MUC4: variants seen among roughly 807,000 people sequenced by gnomAD.
The protein encoded by MUC4 is mucin 4, cell surface associated.
A neutral mutation model predicts 257.9 loss-of-function variants in MUC4; 202 were observed. That is an observed-to-expected ratio of 0.78 (90% CI 0.70 to 0.88). The LOEUF (loss-of-function observed/expected upper bound fraction) is 0.88, where lower values mean the gene tolerates loss of function less well. Ranked by LOEUF, MUC4 falls within the 40% of genes least tolerant of loss-of-function variation. The probability of loss-of-function intolerance (pLI) is 0.00; values close to 1 mark genes in which losing one functional copy is unlikely to be tolerated. For missense variants in MUC4, 5,976 were observed against 6,513.7 expected, an observed-to-expected ratio of 0.92 and a Z score of 2.84; for synonymous variants, 2,351 against 2,757.1, an observed-to-expected ratio of 0.85 and a Z score of 4.62.
rs201634677 is a variant in MUC4, at chr3:195,780,288, G to A, written c.11292C>T (p.Thr3764=). ...GACCTGTGGACACTGAGGAAGCGTC[G>A]GTGACAAGAAGAGGGGTGGCGTGAC... ...STGHATPLLV[T]DASSVSTGHA... is the part of the protein sequence containing the mutation. The change falls in exon 2 of 25, where the codon ACC becomes ACT. Residue 3764 remains threonine (T), a synonymous_variant. Transcript: ENST00000463781. 1.3e-4 allele frequency: 201 copies of A among 1,523,112 alleles called. 1 individual carries two copies. Among genetic ancestry groups the A allele is most frequent in the Non-Finnish European group, 1.7e-4 (190 of 1,127,020 alleles). 94.3% of individuals were successfully genotyped at this position (1,523,112 alleles called of 1,614,324 possible). A position where few individuals can be genotyped will look rare whatever the true frequency, so the allele number is the denominator to read the frequency against.
In MUC4 at chr3:195,781,365, G is replaced by A. The variant is rs1727845426; in HGVS notation, c.10215C>T (p.Asp3405=). The change falls in exon 2 of 25, where the codon GAC becomes GAT. Residue 3405 remains aspartate (D), a synonymous_variant. Coordinates refer to ENST00000463781, the MANE Select transcript of MUC4 (RefSeq NM_018406.7). ...VTNTSSVSTG[D]TMPLPVTSPS... is the part of the protein sequence containing the mutation. The stretch of plus-strand genomic sequence containing the variant: ...GGCTAGTGACAGGAAGAGGCATGGT[G>A]TCACCTGTGGATACTGAGGAAGTGT... 1.3e-6 allele frequency: 2 copies of A among 1,486,004 alleles called. 1 individual carries two copies. The highest frequency in any genetic ancestry group is 1.8e-6 in the Non-Finnish European group (2 of 1,104,706). 92.1% of individuals were successfully genotyped at this position (1,486,004 alleles called of 1,614,324 possible). A position where few individuals can be genotyped will look rare whatever the true frequency, so the allele number is the denominator to read the frequency against.
rs1715156305 is a variant in MUC4, at chr3:195,746,961, C to A, written c.*215G>T. On this transcript the variant is annotated 3_prime_UTR_variant, in exon 25 of 25. Coordinates refer to ENST00000463781, the MANE Select transcript of MUC4 (RefSeq NM_018406.7). The stretch of plus-strand genomic sequence containing the variant: ...CTGTGGGTGTGTCTGCGTGAGGACC[C>A]ATCCATGCATGTTTGATCTTTATGG... The A allele has an allele frequency of 4.4e-6, 3 of 685,990 alleles. No homozygotes were observed. The highest frequency in any genetic ancestry group is 4.9e-6 in the Non-Finnish European group (2 of 412,016). The allele number at this position is 685,990 out of a possible 1,614,324, so 42.5% of individuals were successfully genotyped here.
chr3:195,780,223 G>A lies in MUC4; in HGVS notation c.11357C>T (p.Ser3786Phe), dbSNP rs1235653885. ...PLPVTDASSASTGDTTPLPVT... is the reference protein window; with the variant it reads ...PLPVTDASSAFTGDTTPLPVT... The stretch of plus-strand genomic sequence containing the variant: ...AGGAAGAGGGGTGGTGTCACCTGTG[G>A]ATGCTGAGGAAGCGTCGGTGACAGG... The change falls in exon 2 of 25, where the codon TCC (serine) becomes TTC (phenylalanine). Residue 3786 changes from serine to phenylalanine, a missense_variant. This residue lies in a region of MUC4 where 330 missense variants were observed against 262.0 expected (regional missense o/e 1.26). Transcript: ENST00000463781. 1.4e-6 allele frequency: 2 copies of A among 1,479,994 alleles called. No individual in the cohort carries two copies. The highest frequency in any genetic ancestry group is 1.4e-5 in the African/African-American group (1 of 71,532). 91.7% of individuals were successfully genotyped at this position (1,479,994 alleles called of 1,614,324 possible).
Position 195,770,238 on chromosome 3 carries a change from T to C in MUC4, c.13376A>G (p.Tyr4459Cys), listed in dbSNP as rs1484662321. 6.2e-7 allele frequency: 1 copy of C among 1,612,420 alleles called. No individual in the cohort carries two copies. The highest frequency in any genetic ancestry group is 1.3e-5 in the African/African-American group (1 of 74,796). Residue 4459 changes from tyrosine (Y) to cysteine (C), a missense_variant, in exon 6 of 25, where the codon TAT becomes TGT. Tyr to Cys is a radical substitution (Grantham distance 194). Transcript: ENST00000463781. ...LKVTWVNAHA[Y>C]PAQWTLGSNT... Reference sequence around the variant, plus strand: ...CACCCCGAGGGTCCACTGGGCAGGATAGGCGTGGGCATTGACCCACGTGAC... The same window carrying C: ...CACCCCGAGGGTCCACTGGGCAGGACAGGCGTGGGCATTGACCCACGTGAC...
chr3:195,804,233 C>A (rs1212179694), intron 1 of MUC4, among the ~76,000 whole-genome samples: 1 of 152,226 alleles, frequency 6.6e-6, no homozygotes, highest in Non-Finnish European at 1.5e-5. Flanking sequence ...CAAGGTAGTT[C>A]TTTTCTCTCC....
At chr3:195,805,054 C>CT (rs1209588044) in intron 1 of MUC4, among the ~76,000 whole-genome samples, 1 of 102,392 alleles carries the variant, frequency 9.8e-6, no homozygotes, top group East Asian at 2.8e-4. Flanking sequence ...TTGCCTGTTT[C>CT]TTTATCTTTA....
Position 195,789,524 on chromosome 3 carries a change from C to G in MUC4, c.2056G>C (p.Ala686Pro), listed in dbSNP as rs769402853. The change falls in exon 2 of 25, where the codon GCA becomes CCA. Residue 686 changes from alanine (A) to proline (P), a missense_variant. Around this residue, in one of 44 missense-constraint regions of MUC4, gnomAD observed 1,583 missense variants for 1,257.4 expected, o/e 1.26. Coordinates refer to ENST00000463781, the MANE Select transcript of MUC4 (RefSeq NM_018406.7). ...GTTGTTGCTGCACTTATGGTGGGTG[C>G]GTCCTGAGGAACAATTTCTGAGGGC... ...HSPSEIVPQD[A>P]PTISAATTFA... 2 of 1,613,802 alleles carry G rather than the reference C, an allele frequency of 1.2e-6. No individual in the cohort carries two copies. The highest frequency in any genetic ancestry group is 1.7e-5 in the Admixed American group (1 of 59,996).
intron 11 of MUC4, 144 bp downstream of exon 11, chr3:195,763,901 A>G (rs898486255): frequency 3.0e-6 from 4 of 1,318,338 alleles, no homozygotes; most frequent in Non-Finnish European, 3.1e-6. Context: ...CCCTCCACTG[A>G]CCATCCACCC....
chr3:195,788,651 G>A lies in MUC4; in HGVS notation c.2929C>T (p.Leu977Phe). Residue 977 changes from leucine (L) to phenylalanine (F), a missense_variant, in exon 2 of 25, where the codon CTT becomes TTT. Physicochemically the swap from Leu to Phe is conservative, Grantham distance 22. Transcript: ENST00000463781. ...GCCGAGGAAGCGTAGGTGACAGGAAGAGGGGTGGCGTTGCTGATGAGGGCC... is the reference window on the plus strand; with the variant it reads ...GCCGAGGAAGCGTAGGTGACAGGAAAAGGGGTGGCGTTGCTGATGAGGGCC... ...TTALISNATP[L>F]PVTYASSAST... The A allele has an allele frequency of 6.2e-7, 1 of 1,610,848 alleles. No homozygotes were observed. Among genetic ancestry groups the A allele is most frequent in the Non-Finnish European group, 8.5e-7 (1 of 1,178,464 alleles).
In MUC4 at chr3:195,788,984, A is replaced by C. The variant is rs1400222729; in HGVS notation, c.2596T>G (p.Ser866Ala). Reference protein sequence around the residue: ...AIPVSTGMASSIVPGTFHPTL... With the variant: ...AIPVSTGMASAIVPGTFHPTL... ...GGATGAAAGGTGCCGGGGACGATCG[A>C]AGACGCCATTCCTGTGCTTACTGGG... is the stretch of plus-strand genomic sequence containing the variant. The change falls in exon 2 of 25, where the codon TCG becomes GCG. Residue 866 changes from serine (S) to alanine (A), a missense_variant. Transcript: ENST00000463781. The C allele has an allele frequency of 6.2e-7, 1 of 1,613,794 alleles. No homozygotes were observed. The highest frequency in any genetic ancestry group is 8.5e-7 in the Non-Finnish European group (1 of 1,179,824).
In MUC4 at chr3:195,760,469, GGGTC is replaced by G. The variant is rs1718545303; in HGVS notation, c.14848+411_14848+414del. 1.3e-5 allele frequency among the ~76,000 whole-genome samples: 2 copies of G among 150,764 alleles called. 1 individual carries two copies. The highest frequency in any genetic ancestry group is 3.0e-5 in the Non-Finnish European group (2 of 67,516). ...GGCTGGAGTGCAGGGAGCTGGGAAGGGGTCCAGCGCTAGGATGGAGTGGAGGGGG... is the reference window on the plus strand; with the variant it reads ...GGCTGGAGTGCAGGGAGCTGGGAAGGCAGCGCTAGGATGGAGTGGAGGGGG... On this transcript the variant is annotated intron_variant, in intron 16 of 24. Coordinates refer to ENST00000463781, the MANE Select transcript of MUC4 (RefSeq NM_018406.7).
At chr3:195,764,230 G>A in intron 10 of MUC4, 66 bp from the exon 11 acceptor site, 1 of 1,534,992 alleles carries the variant, frequency 6.5e-7, no homozygotes, top group East Asian at 2.5e-5. Context: ...GCAGGGTGGT[G>A]TTGGTTGAGA....
rs1195973347 is a variant in MUC4 at position 195,770,291 on chromosome 3, C to G, written c.13323G>C (p.Gly4441=). The G allele has an allele frequency of 6.2e-7, 1 of 1,614,096 alleles. No homozygotes were observed. The highest frequency in any genetic ancestry group is 2.2e-5 in the East Asian group (1 of 44,870). Residue 4441 remains glycine, a synonymous_variant, in exon 6 of 25, where the codon GGG becomes GGC. Transcript: ENST00000463781. The part of the protein sequence containing the change: ...ESWIRKMTNN[G]GYKARWALKV... ...TTAGGGCCCACCTGGCCTTGTAGCC[C>G]CCGTTGTTTGTCATCTTTCTAATCC...
chr3:195,778,778 G>C lies in MUC4; in HGVS notation c.12790+12C>G, dbSNP rs1281089118. On this transcript the variant is annotated intron_variant, in intron 2 of 24. Coordinates refer to ENST00000463781, the MANE Select transcript of MUC4 (RefSeq NM_018406.7). ...CACTGGGAGACATAAAGGCGAGGCAGTTGGCAGCTACCTGGTGTTTCCATC... is the reference window on the plus strand; with the variant it reads ...CACTGGGAGACATAAAGGCGAGGCACTTGGCAGCTACCTGGTGTTTCCATC... 5 of 1,602,824 alleles carry C rather than the reference G, an allele frequency of 3.1e-6. No individual in the cohort carries two copies. The Middle Eastern group carries it at 6.7e-4, about 214-fold the overall frequency.
At position 195,771,740 on chromosome 3, in the gene MUC4, C is replaced by T. The variant is rs535971910; in HGVS notation, c.13154G>A (p.Gly4385Asp). Residue 4385 changes from glycine to aspartate, a missense_variant, in exon 5 of 25, where the codon GGC becomes GAC. Physicochemically the swap from Gly to Asp is moderately conservative, Grantham distance 94 (BLOSUM62 -1). Transcript: ENST00000463781. ...IFSYPNPLPT[G>D]FTGRDPVALV... The stretch of plus-strand genomic sequence containing the variant: ...GGCCACAGGGTCCCGGCCTGTGAAG[C>T]CTGTTGGGAGTGGGTTGGGGTAGGA... 13 of 1,613,626 alleles carry T rather than the reference C, an allele frequency of 8.1e-6. No homozygotes were observed. In the East Asian group the frequency reaches 2.7e-4, roughly 33 times the overall value.
intron 1 of MUC4, among the ~76,000 whole-genome samples, chr3:195,799,845 A>T (rs572130688): frequency 6.6e-6 from 1 of 152,338 alleles, no homozygotes; most frequent in East Asian, 1.9e-4. Context: ...ATTTCTTTGC[A>T]GAAAGCTTAT....
rs748086574 is a variant in MUC4, at chr3:195,785,903, C to A, written c.5677G>T (p.Asp1893Tyr). Residue 1893 changes from aspartate (D) to tyrosine (Y), a missense_variant, in exon 2 of 25, where the codon GAC (aspartate) becomes TAC (tyrosine). Around this residue, in one of 44 missense-constraint regions of MUC4, gnomAD observed 87 missense variants for 104.6 expected, o/e 0.83. Transcript: ENST00000463781. ...TCACCTGTGGATGCTGAGTTAGTGT[C>A]GGTGACAGGAAGAGGGGTGGTGTCA... ...TGDTTPLPVT[D>Y]TNSASTGDTT... 2 of 1,473,298 alleles carry A rather than the reference C, an allele frequency of 1.4e-6. No homozygotes were observed. The highest frequency in any genetic ancestry group is 1.8e-6 in the Non-Finnish European group (2 of 1,106,514). The allele number at this position is 1,473,298 out of a possible 1,614,324, so 91.3% of individuals were successfully genotyped here. A position where few individuals can be genotyped will look rare whatever the true frequency, so the allele number is the denominator to read the frequency against.
chr3:195,763,223 C>G (rs1719627218), intron 12 of MUC4, among the ~76,000 whole-genome samples: 1 of 152,238 alleles, frequency 6.6e-6, no homozygotes, highest in Non-Finnish European at 1.5e-5. Flanking sequence ...GTAGTTTCTT[C>G]GAAGCCAAGC....
intron 4 of MUC4, among the ~76,000 whole-genome samples, chr3:195,772,897 C>G (rs1417572952): frequency 7.2e-6 from 1 of 139,652 alleles, no homozygotes; most frequent in Non-Finnish European, 1.5e-5. Context: ...GACACCCTCC[C>G]TTCATCGCTC....
Sources: gnomAD v4.1 joint callset for allele counts (sites outside exome capture counted in the v4.1 genomes callset) on GRCh38, gnomAD v4.1.1 for gene constraint, gnomAD v4.1.1 regional missense constraint, MANE v1.5 for transcripts, NCBI Gene and HGNC (gene_info 2026-07-23, HGNC 2026-07-21) for gene names.